LAMB3: variants seen among roughly 807,000 people sequenced by gnomAD.
LAMB3 encodes laminin subunit beta-3.
Under a neutral mutation model 140.3 loss-of-function variants are expected in LAMB3, and 104 were observed. The observed-to-expected ratio is 0.74, with a 90% CI of 0.63 to 0.87. The LOEUF (loss-of-function observed/expected upper bound fraction) is 0.87, where lower values mean the gene tolerates loss of function less well. Among genes scored for constraint, LAMB3 ranks in the 40% least tolerant of loss-of-function variants. The probability of loss-of-function intolerance (pLI) is 0.00; values close to 1 mark genes in which losing one functional copy is unlikely to be tolerated. For missense variants in LAMB3, 1,531 were observed against 1,575.2 expected (o/e 0.97, Z 0.47); for synonymous variants, 592 against 602.9 (o/e 0.98, Z 0.26).
intron 3 of LAMB3, among the ~76,000 whole-genome samples, chr1:209,648,319 C>T (rs966123164): frequency 6.6e-6 from 1 of 152,160 alleles, no homozygotes. Flanking sequence ...TAATCTCTTG[C>T]CCAAGGTCAC....
chr1:209,627,506 C>T lies in LAMB3; in HGVS notation c.1362G>A (p.Leu454=). 6.2e-7 allele frequency: 1 copy of T among 1,614,082 alleles called. No homozygotes were observed. The highest frequency in any genetic ancestry group is 8.5e-7 in the Non-Finnish European group (1 of 1,180,020). ...CDEESGRCLC[L]PNVVGPKCDQ... ...CACATTTGGGACCCACCACGTTGGGCAGACAAAGGCAGCGCCCACTCTCCT... is the reference window on the plus strand; with the variant it reads ...CACATTTGGGACCCACCACGTTGGGTAGACAAAGGCAGCGCCCACTCTCCT... The change falls in exon 12 of 23, where the codon CTG becomes CTA. Residue 454 remains leucine (L), a synonymous_variant. Coordinates refer to ENST00000356082, the MANE Select transcript of LAMB3 (RefSeq NM_000228.3).
intron 19 of LAMB3, 83 bp from the exon 20 acceptor site, chr1:209,618,131 C>A: frequency 6.5e-7 from 1 of 1,540,360 alleles, no homozygotes; most frequent in Non-Finnish European, 9.0e-7. Context: ...CACACCAGTC[C>A]AAAAGAACAC....
Position 209,623,295 on chromosome 1 carries a change from A to T in LAMB3, c.2359-116T>A, listed in dbSNP as rs1666278338. 4.4e-6 allele frequency: 5 copies of T among 1,134,110 alleles called. No homozygotes were observed. The highest frequency in any genetic ancestry group is 5.2e-6 in the Non-Finnish European group (4 of 762,792). 70.3% of individuals were successfully genotyped at this position (1,134,110 alleles called of 1,614,324 possible). The stretch of plus-strand genomic sequence containing the variant: ...TCCATGACAACCAAGCACCAGAAAC[A>T]GCCAGACATCTCCATGAGAGCTAAG... On this transcript the variant is annotated intron_variant, in intron 16 of 22. Coordinates refer to ENST00000356082, the MANE Select transcript of LAMB3 (RefSeq NM_000228.3). The surrounding 1 kb of genome is among the most constrained non-coding windows in gnomAD (Gnocchi z 4.2).
At chr1:209,627,289 G>T (rs2102423657) in intron 12 of LAMB3, 94 bp downstream of exon 12, 2 of 1,026,290 alleles carry the variant, frequency 1.9e-6, no homozygotes, top group African/African-American at 1.6e-5. Flanking sequence ...ACAGGGGAGA[G>T]GCCTAGAAGG....
chr1:209,623,961 C>T lies in LAMB3; in HGVS notation c.2016G>A (p.Glu672=), dbSNP rs1345795391. The T allele has an allele frequency of 6.2e-7, 1 of 1,614,082 alleles. No individual in the cohort carries two copies. The highest frequency in any genetic ancestry group is 1.1e-5 in the South Asian group (1 of 91,088). ...LQGLQLDLPL[E]EETLSLPRDL... ...CTCTCGGAAGGGACAACGTCTCCTCCTCCAGGGGCAGATCCAGCTGCAGGC... is the reference window on the plus strand; with the variant it reads ...CTCTCGGAAGGGACAACGTCTCCTCTTCCAGGGGCAGATCCAGCTGCAGGC... The change falls in exon 15 of 23, where the codon GAG becomes GAA. Residue 672 remains glutamate (E), a synonymous_variant. Coordinates refer to ENST00000356082, the MANE Select transcript of LAMB3 (RefSeq NM_000228.3). The surrounding 1 kb of genome is among the most constrained non-coding windows in gnomAD (Gnocchi z 4.2).
At chr1:209,641,534 C>T (rs12117294) in intron 3 of LAMB3, among the ~76,000 whole-genome samples, 20,902 of 152,194 alleles carry the variant, frequency 0.14, 1,873 homozygotes, top group Non-Finnish European at 0.2. Flanking sequence ...CCACTCGAAA[C>T]TAGCTGAGTG....
intron 14 of LAMB3, among the ~76,000 whole-genome samples, chr1:209,624,880 G>GAGTA (rs1553276645): frequency 9.9e-6 from 1 of 100,754 alleles, no homozygotes; most frequent in Non-Finnish European, 2.0e-5. Flanking sequence ...GAAAGAGAGA[G>GAGTA]AGGAAGGAAG....
At chr1:209,628,004 C>T in intron 11 of LAMB3, 31 bp downstream of exon 11, 1 of 1,577,632 alleles carries the variant, frequency 6.3e-7, no homozygotes, top group Non-Finnish European at 8.6e-7. Flanking sequence ...CAGCCCACCC[C>T]ACGTCATGCT....
intron 3 of LAMB3, among the ~76,000 whole-genome samples, chr1:209,642,781 G>T (rs878976435): frequency 6.6e-6 from 1 of 152,080 alleles, no homozygotes; most frequent in African/African-American, 2.4e-5. Flanking sequence ...CACCCAGCTT[G>T]TTTAAATTTT....
intron 18 of LAMB3, 100 bp downstream of exon 18, chr1:209,622,436 C>T (rs1185137191): frequency 1.4e-6 from 2 of 1,434,492 alleles, no homozygotes; most frequent in Non-Finnish European, 1.9e-6. Flanking sequence ...TGTTGCAGGC[C>T]TGGGACTAGG....
rs786205094 is a variant in LAMB3 at position 209,630,653 on chromosome 1, CA to C, written c.904del (p.Trp302GlyfsTer94). 6.2e-7 allele frequency: 1 copy of C among 1,614,174 alleles called. No individual in the cohort carries two copies. Among genetic ancestry groups the C allele is most frequent in the Non-Finnish European group, 8.5e-7 (1 of 1,180,034 alleles). On this transcript the variant is annotated frameshift_variant, in exon 9 of 23. Coordinates refer to ENST00000356082, the MANE Select transcript of LAMB3 (RefSeq NM_000228.3). LOFTEE classifies it high-confidence loss of function. Reference sequence around the variant, plus strand: ...GGCGTCCTGGCCCTCCGCCGGTCTCCAGGGCCGGTTGTTGTAGAAGGGTGCA... The same window carrying C: ...GGCGTCCTGGCCCTCCGCCGGTCTCCGGGCCGGTTGTTGTAGAAGGGTGCA... Reference protein sequence around the residue: ...RCAPFYNNRPWRPAEGQDAHE... With the variant: ...RCAPFYNNRPXRPAEGQDAHE...
At chr1:209,645,588 T>G (rs1372017947) in intron 3 of LAMB3, among the ~76,000 whole-genome samples, 3 of 152,050 alleles carry the variant, frequency 2.0e-5, no homozygotes, top group Non-Finnish European at 4.4e-5. Context: ...TGGTGGCATA[T>G]GCCTGTAATC....
At chr1:209,652,019 G>A (rs1272368618) in intron 1 of LAMB3, among the ~76,000 whole-genome samples, 1 of 152,096 alleles carries the variant, frequency 6.6e-6, no homozygotes, top group Non-Finnish European at 1.5e-5. Context: ...AGCTAACGAT[G>A]GCCTAAGAGA....
intron 3 of LAMB3, among the ~76,000 whole-genome samples, chr1:209,648,019 C>G (rs2076532798): frequency 6.6e-6 from 1 of 152,168 alleles, no homozygotes; most frequent in Non-Finnish European, 1.5e-5. Flanking sequence ...ATGCAGCCAC[C>G]AGAGCACCCA....
intron 3 of LAMB3, among the ~76,000 whole-genome samples, chr1:209,640,646 G>A (rs1363408511): frequency 1.3e-5 from 2 of 151,582 alleles, no homozygotes; most frequent in African/African-American, 2.4e-5. Context: ...TTTTTTCATA[G>A]TACATATCTC....
At chr1:209,615,816 A>G (rs1307828813) in intron 22 of LAMB3, among the ~76,000 whole-genome samples, 1 of 152,186 alleles carries the variant, frequency 6.6e-6, no homozygotes, top group African/African-American at 2.4e-5. Context: ...TGTCATATTC[A>G]AAGCCCTTGG....
At chr1:209,622,210 G>A (rs1367856018) in intron 18 of LAMB3, among the ~76,000 whole-genome samples, 1 of 152,248 alleles carries the variant, frequency 6.6e-6, no homozygotes, top group East Asian at 1.9e-4. Flanking sequence ...CTGTAGCCAC[G>A]ATGGGAGTTG....
In LAMB3 at chr1:209,650,080, G is replaced by A. The variant is rs115191959; in HGVS notation, c.67C>T (p.Arg23Cys). The A allele has an allele frequency of 4.5e-4, 733 of 1,614,072 alleles. 2 individuals carry two copies. The Middle Eastern group carries it at 5.5e-3, about 12-fold the overall frequency. Residue 23 changes from arginine to cysteine, a missense_variant, in exon 3 of 23, where the codon CGT (arginine) becomes TGT (cysteine). Transcript: ENST00000356082. The part of the protein sequence containing the change: ...GLLHAQQACS[R>C]GACYPPVGDL... ...CCAACAGGTGGATAGCAGGCCCCAC[G>A]GGAGCAGGCTTGTTGGGCATGCAGG...
intron 18 of LAMB3, 26 bp downstream of exon 18, chr1:209,622,510 C>A (rs1003185022): frequency 3.1e-6 from 5 of 1,613,030 alleles, no homozygotes; most frequent in Middle Eastern, 1.8e-4. Flanking sequence ...GAACAGCAGC[C>A]AAGGTGGGGT....
Sources: gnomAD v4.1 joint callset for allele counts (sites outside exome capture counted in the v4.1 genomes callset) on GRCh38, gnomAD v4.1.1 for gene constraint, Gnocchi (gnomAD v3.1) non-coding constraint, MANE v1.5 for transcripts, NCBI Gene and HGNC (gene_info 2026-07-23, HGNC 2026-07-21) for gene names.